Variants in GTF2E2 observed in about 807,000 individuals in gnomAD.
GTF2E2 encodes the protein transcription initiation factor IIE subunit beta.
Under a neutral mutation model 40.5 loss-of-function variants are expected in GTF2E2, and 21 were observed. That is an observed-to-expected ratio of 0.52 (90% CI 0.37 to 0.75). The LOEUF (loss-of-function observed/expected upper bound fraction) is 0.75. Among genes scored for constraint, GTF2E2 ranks in the 30% least tolerant of loss-of-function variants. The pLI is 0.00. For synonymous variants in GTF2E2, 117 were observed against 121.6 expected (o/e 0.96, Z 0.25); for missense variants, 298 against 338.4 (o/e 0.88, Z 0.94).
chr8:30,622,094 G>C (rs1432111034), intron 3 of GTF2E2, among the ~76,000 whole-genome samples: 4 of 150,516 alleles, frequency 2.7e-5, no homozygotes, highest in African/African-American at 4.9e-5. Context: ...CTTTACATTA[G>C]GTATATCTCC....
rs754124140 is a variant in GTF2E2, at chr8:30,614,703, G to A, written c.271C>T (p.Arg91Ter). ...AAGGTTAGAGGATGCGTATCTCCTC[G>A]CTGATGCCGTGTCTATCAAGTGAAG... ...IVNYMKTRHQ[R>*]GDTHPLTLDE... The change falls in exon 4 of 8, where the codon CGA (arginine) becomes TGA (stop). Residue 91 changes from arginine (R) to a stop codon, truncating the protein, a stop_gained. Transcript: ENST00000355904. LOFTEE classifies it high-confidence loss of function. 3.1e-6 allele frequency: 5 copies of A among 1,592,982 alleles called. No individual in the cohort carries two copies. Among genetic ancestry groups the A allele is most frequent in the Non-Finnish European group, 3.4e-6 (4 of 1,162,426 alleles).
chr8:30,620,976 G>C (rs1458914486), intron 3 of GTF2E2, among the ~76,000 whole-genome samples: 1 of 151,774 alleles, frequency 6.6e-6, no homozygotes, highest in Non-Finnish European at 1.5e-5. Context: ...GAGGAGAGCA[G>C]TGCAGTAGAC....
intron 6 of GTF2E2, among the ~76,000 whole-genome samples, chr8:30,591,190 GA>G (rs1180845190): frequency 6.6e-6 from 1 of 152,150 alleles, no homozygotes; most frequent in Non-Finnish European, 1.5e-5. Context: ...TTTGCCAAAT[GA>G]AATATACAGA....
intron 2 of GTF2E2, chr8:30,645,218 C>A: frequency 7.7e-7 from 1 of 1,290,426 alleles, no homozygotes; most frequent in Non-Finnish European, 1.0e-6. Context: ...AATCTTAGTA[C>A]TGAGATTTGA....
intron 2 of GTF2E2, among the ~76,000 whole-genome samples, chr8:30,646,607 T>C (rs992917735): frequency 7.9e-5 from 12 of 152,154 alleles, no homozygotes; most frequent in Admixed American, 7.2e-4. Context: ...TTTTTTACAA[T>C]GGCATTACTC....
chr8:30,616,373 T>C (rs1314821304), intron 3 of GTF2E2, among the ~76,000 whole-genome samples: 1 of 151,912 alleles, frequency 6.6e-6, no homozygotes, highest in Non-Finnish European at 1.5e-5. Flanking sequence ...GAGGCGGAGG[T>C]TGCAGTGAGC....
intron 6 of GTF2E2, 66 bp downstream of exon 6, chr8:30,606,989 AAT>A (rs1424913990): frequency 1.2e-5 from 7 of 594,112 alleles, no homozygotes; most frequent in Non-Finnish European, 2.1e-5. Context: ...TTGTATTATA[AAT>A]ATTAATTTTA....
intron 2 of GTF2E2, among the ~76,000 whole-genome samples, chr8:30,650,713 C>T (rs565206644): frequency 6.6e-6 from 1 of 151,636 alleles, no homozygotes; most frequent in Non-Finnish European, 1.5e-5. Flanking sequence ...AAGACGCTGT[C>T]TCGAAAGAAA....
intron 5 of GTF2E2, 66 bp from the exon 6 acceptor site, chr8:30,607,216 A>T (rs1036170491): frequency 8.9e-5 from 55 of 616,124 alleles, no homozygotes; most frequent in Non-Finnish European, 1.3e-4. Context: ...AAAAAAAAAA[A>T]TTTAAACAAT....
chr8:30,618,431 T>C (rs1472320901), intron 3 of GTF2E2, among the ~76,000 whole-genome samples: 1 of 152,062 alleles, frequency 6.6e-6, no homozygotes, highest in Non-Finnish European at 1.5e-5. Context: ...GACATGCATG[T>C]AGGAATCCTG....
At chr8:30,586,204 A>G (rs759836810) in intron 6 of GTF2E2, among the ~76,000 whole-genome samples, 1 of 152,108 alleles carries the variant, frequency 6.6e-6, no homozygotes, top group Non-Finnish European at 1.5e-5. Flanking sequence ...CATTATATCC[A>G]CTTTGCAGTT....
At chr8:30,631,398 G>A (rs1237142259) in intron 3 of GTF2E2, among the ~76,000 whole-genome samples, 2 of 152,108 alleles carry the variant, frequency 1.3e-5, no homozygotes, top group Admixed American at 6.6e-5. Flanking sequence ...TAGAGAGCTG[G>A]AACAATATCA....
intron 1 of GTF2E2, among the ~76,000 whole-genome samples, chr8:30,654,213 G>C (rs1272416820): frequency 1.3e-5 from 2 of 152,052 alleles, no homozygotes; most frequent in Non-Finnish European, 2.9e-5. Flanking sequence ...AATGTGGCTA[G>C]TTAAAATTGA....
chr8:30,608,361 A>C (rs879549532), intron 5 of GTF2E2, among the ~76,000 whole-genome samples: 2 of 152,228 alleles, frequency 1.3e-5, no homozygotes, highest in Admixed American at 1.3e-4. Flanking sequence ...TTGTGAAAAG[A>C]ATCTTTATCA....
rs1467032947 is a variant in GTF2E2, at chr8:30,653,460, C to T, written c.139G>A (p.Gly47Arg). Residue 47 changes from glycine (G) to arginine (R), a missense_variant, in exon 2 of 8, where the codon GGA becomes AGA. Transcript: ENST00000355904. ...GAATTTTGTTTAGAGCCTGACGATCCTCCATGTTCTACCTTTGTTTTCTTC... is the reference window on the plus strand; with the variant it reads ...GAATTTTGTTTAGAGCCTGACGATCTTCCATGTTCTACCTTTGTTTTCTTC... ...KKKKTKVEHG[G>R]SSGSKQNSDH... The T allele has an allele frequency of 5.0e-6, 8 of 1,613,468 alleles. No homozygotes were observed. In the Admixed American group the frequency reaches 1.3e-4, roughly 27 times the overall value.
chr8:30,613,880 T>G (rs9693800), intron 4 of GTF2E2, among the ~76,000 whole-genome samples: 53,699 of 152,158 alleles, frequency 0.35, 10,488 homozygotes, highest in South Asian at 0.55. Context: ...GGTCACTGAC[T>G]GCGTTGGGGT....
chr8:30,623,410 G>A lies in GTF2E2; in HGVS notation c.259-8695C>T, dbSNP rs1190101766. ...TTATGGCTGCATAGTATTCCATGGT[G>A]TATATGTGCCACATTTTCTTAATCC... On this transcript the variant is annotated intron_variant, in intron 3 of 7. Coordinates refer to ENST00000355904, the MANE Select transcript of GTF2E2 (RefSeq NM_002095.6). 2.0e-5 allele frequency among the ~76,000 whole-genome samples: 3 copies of A among 152,072 alleles called. No homozygotes were observed. The East Asian group carries it at 5.8e-4, about 29-fold the overall frequency.
intron 6 of GTF2E2, among the ~76,000 whole-genome samples, chr8:30,595,227 GACCAA>G (rs1828967204): frequency 6.6e-6 from 1 of 152,072 alleles, no homozygotes; most frequent in Non-Finnish European, 1.5e-5. Context: ...CAGTATACTA[GACCAA>G]TTATTGATCC....
At position 30,612,353 on chromosome 8, in the gene GTF2E2, T is replaced by G; in HGVS notation, c.495A>C (p.Gly165=). The change falls in exon 5 of 8, where the codon GGA becomes GGC. Residue 165 remains glycine (G), a synonymous_variant. Transcript: ENST00000355904. ...LDQHDQRGLG[G]ILLEDIEEAL... ...CTTCTTCTATGTCTTCTAAAAGAAT[T>G]CCTCCTAATCCTCGCTGGTCATGCT... is the stretch of plus-strand genomic sequence containing the variant. The G allele has an allele frequency of 6.2e-7, 1 of 1,612,970 alleles. No individual in the cohort carries two copies. The highest frequency in any genetic ancestry group is 8.5e-7 in the Non-Finnish European group (1 of 1,179,040).
Sources: gnomAD v4.1 joint callset for allele counts (sites outside exome capture counted in the v4.1 genomes callset) on GRCh38, gnomAD v4.1.1 for gene constraint, MANE v1.5 for transcripts, NCBI Gene and HGNC (gene_info 2026-07-23, HGNC 2026-07-21) for gene names.